The following DNAH11 variants were observed in gnomAD, a reference collection of about 807,000 sequenced individuals.
DNAH11 encodes the protein dynein axonemal heavy chain 11, also known as axonemal beta dynein heavy chain 11.
A neutral mutation model predicts 526.0 loss-of-function variants in DNAH11; 442 were observed. The observed-to-expected ratio is 0.84, with a 90% CI of 0.78 to 0.91. The LOEUF is 0.91. Ranked by LOEUF, DNAH11 falls within the 40% of genes least tolerant of loss-of-function variation. The pLI, the probability that DNAH11 is intolerant of heterozygous loss-of-function variation, is 0.00. For synonymous variants in DNAH11, 2,461 were observed against 1,935.9 expected (o/e 1.27, Z -7.12); for missense variants, 6,989 against 5,448.7 (o/e 1.28, Z -8.90).
intron 45 of DNAH11, among the ~76,000 whole-genome samples, chr7:21,732,533 C>T (rs1450060827): frequency 1.3e-5 from 2 of 152,134 alleles, no homozygotes; most frequent in Non-Finnish European, 2.9e-5. Context: ...TCTGCAGCAC[C>T]CCTATTCCCA....
intron 23 of DNAH11, 150 bp downstream of exon 23, chr7:21,617,927 A>G (rs866918493): frequency 1.1e-6 from 1 of 903,008 alleles, no homozygotes; most frequent in Non-Finnish European, 1.6e-6. Flanking sequence ...GCTGTCTAGA[A>G]AAAGTCGCCT....
chr7:21,676,193 C>T (rs553924943), intron 30 of DNAH11, among the ~76,000 whole-genome samples: 15 of 152,300 alleles, frequency 9.8e-5, no homozygotes, highest in Admixed American at 4.6e-4. Context: ...GCTGTACTTG[C>T]ACTCTAATGA....
chr7:21,680,391 G>A (rs1159963861), intron 30 of DNAH11, among the ~76,000 whole-genome samples: 2 of 152,170 alleles, frequency 1.3e-5, no homozygotes, highest in African/African-American at 4.8e-5. Context: ...CAGAAATATT[G>A]TTTTTGTAAA....
intron 46 of DNAH11, among the ~76,000 whole-genome samples, chr7:21,737,791 G>A (rs903484128): frequency 2.0e-5 from 3 of 152,186 alleles, no homozygotes; most frequent in Non-Finnish European, 2.9e-5. Flanking sequence ...GGTGAATTGC[G>A]AGTGAGGGAG....
Position 21,868,918 on chromosome 7 carries a change from G to C in DNAH11, c.11894G>C (p.Gly3965Ala). The part of the protein sequence containing the change: ...DSGKFHNVSL[G>A]QGQETVAEVA... ...GGAAAATTCCACAATGTGTCTTTAG[G>C]ACAAGGTCAGGAGACGGTGGCAGAA... The change falls in exon 73 of 82, where the codon GGA (glycine) becomes GCA (alanine). Residue 3965 changes from glycine to alanine, a missense_variant. By Grantham distance (60) the Gly-to-Ala change is moderately conservative (BLOSUM62 0). Coordinates refer to ENST00000409508, the MANE Select transcript of DNAH11 (RefSeq NM_001277115.2). The C allele has an allele frequency of 5.0e-6, 8 of 1,613,982 alleles. No individual in the cohort carries two copies. The highest frequency in any genetic ancestry group is 6.8e-6 in the Non-Finnish European group (8 of 1,179,888).
intron 67 of DNAH11, among the ~76,000 whole-genome samples, chr7:21,853,705 T>C (rs1460032536): frequency 6.6e-6 from 1 of 152,194 alleles, no homozygotes; most frequent in Non-Finnish European, 1.5e-5. Context: ...ATATGTTGGT[T>C]GATGGTGGTG....
At chr7:21,777,183 G>C (rs1302576183) in intron 56 of DNAH11, among the ~76,000 whole-genome samples, 1 of 151,978 alleles carries the variant, frequency 6.6e-6, no homozygotes, top group Non-Finnish European at 1.5e-5. Flanking sequence ...ATACAAATAT[G>C]TAACCATTGG....
intron 56 of DNAH11, 52 bp downstream of exon 56, chr7:21,774,051 A>G: frequency 7.0e-7 from 1 of 1,419,702 alleles, no homozygotes; most frequent in Non-Finnish European, 9.4e-7. Flanking sequence ...TTTAACAGAA[A>G]AATATATTTC....
intron 25 of DNAH11, among the ~76,000 whole-genome samples, chr7:21,622,080 A>T (rs56182017): frequency 6.6e-6 from 1 of 151,766 alleles, no homozygotes; most frequent in African/African-American, 2.4e-5. Flanking sequence ...CCATTGTCTC[A>T]GCCCAAAATC....
Position 21,735,691 on chromosome 7 carries a change from T to C in DNAH11, c.7492T>C (p.Leu2498=), listed in dbSNP as rs759712697. 2.5e-6 allele frequency: 4 copies of C among 1,612,734 alleles called. No homozygotes were observed. Among genetic ancestry groups the C allele is most frequent in the Admixed American group, 3.3e-5 (2 of 59,802 alleles). The change falls in exon 46 of 82, where the codon TTG becomes CTG. Residue 2498 remains leucine (L), a synonymous_variant. Coordinates refer to ENST00000409508, the MANE Select transcript of DNAH11 (RefSeq NM_001277115.2). ...AGCTCGTCTTAGATATTTCATGGAG[T>C]TGTTGCTTGAGAAAGGAAAACCTCT... ...ETARLRYFME[L]LLEKGKPLML... is the part of the protein sequence containing the mutation.
chr7:21,786,587 C>A, intron 58 of DNAH11, 37 bp from the exon 59 acceptor site: 2 of 1,574,546 alleles, frequency 1.3e-6, no homozygotes, highest in Non-Finnish European at 1.7e-6. Flanking sequence ...TTCCGCTAAT[C>A]CTGTCTGTGT....
intron 25 of DNAH11, among the ~76,000 whole-genome samples, chr7:21,622,847 T>C (rs1938501907): frequency 1.3e-5 from 2 of 152,056 alleles, no homozygotes; most frequent in Non-Finnish European, 2.9e-5. Flanking sequence ...AAACGTTAGA[T>C]CTAAAACCAT....
chr7:21,866,168 G>T (rs1399594189), intron 70 of DNAH11, among the ~76,000 whole-genome samples: 12 of 152,128 alleles, frequency 7.9e-5, no homozygotes, highest in Admixed American at 7.9e-4. Flanking sequence ...TGGAGTTGCT[G>T]TGGTTCAAAC....
intron 54 of DNAH11, among the ~76,000 whole-genome samples, chr7:21,762,128 G>A (rs988872488): frequency 3.9e-5 from 6 of 152,188 alleles, no homozygotes; most frequent in South Asian, 2.1e-4. Context: ...TGCTCCAGTC[G>A]CCTCCCAGTT....
At chr7:21,829,595 A>G (rs1019582722) in intron 65 of DNAH11, among the ~76,000 whole-genome samples, 1 of 152,274 alleles carries the variant, frequency 6.6e-6, no homozygotes, top group East Asian at 1.9e-4. Context: ...GAAAATAGTG[A>G]TGGTGTTTGT....
chr7:21,621,573 G>A (rs1352353898), intron 25 of DNAH11, among the ~76,000 whole-genome samples: 3 of 151,928 alleles, frequency 2.0e-5, no homozygotes, highest in East Asian at 3.9e-4. Flanking sequence ...AAAATCCTCA[G>A]TAAAATACTG....
At chr7:21,619,332 T>A (rs1010434257) in intron 24 of DNAH11, 110 bp downstream of exon 24, 23 of 1,299,406 alleles carry the variant, frequency 1.8e-5, no homozygotes, top group Non-Finnish European at 2.2e-5. Context: ...GAGAGATGAG[T>A]CCCAGTTTGT....
chr7:21,616,712 G>A (rs1255057140), intron 22 of DNAH11, among the ~76,000 whole-genome samples: 1 of 152,152 alleles, frequency 6.6e-6, no homozygotes, highest in African/African-American at 2.4e-5. Flanking sequence ...GATTTATGCG[G>A]AATACTATGA....
chr7:21,679,325 G>A (rs1783044469), intron 30 of DNAH11, among the ~76,000 whole-genome samples: 2 of 152,152 alleles, frequency 1.3e-5, no homozygotes, highest in African/African-American at 2.4e-5. Context: ...TTAACATATG[G>A]CACCTATAAT....
Sources: gnomAD v4.1 joint callset for allele counts (sites outside exome capture counted in the v4.1 genomes callset) on GRCh38, gnomAD v4.1.1 for gene constraint, MANE v1.5 for transcripts, NCBI Gene and HGNC (gene_info 2026-07-23, HGNC 2026-07-21) for gene names.